RPN2: variants seen among roughly 807,000 people sequenced by gnomAD.
The protein encoded by RPN2 is ribophorin II.
Under a neutral mutation model 71.4 loss-of-function variants are expected in RPN2, and 29 were observed. The observed-to-expected ratio is 0.41, with a 90% CI of 0.30 to 0.55. The LOEUF (loss-of-function observed/expected upper bound fraction) is 0.55, where lower values mean the gene tolerates loss of function less well. RPN2 is among the 20% of genes least tolerant of loss of function. The pLI is 0.35. For synonymous variants in RPN2, 308 were observed against 305.0 expected, an observed-to-expected ratio of 1.01 and a Z score of -0.10; for missense variants, 726 against 774.1, an observed-to-expected ratio of 0.94 and a Z score of 0.74.
chr20:37,238,773 C>T (rs1457716609), intron 16 of RPN2: 2 of 597,300 alleles, frequency 3.3e-6, no homozygotes, highest in Non-Finnish European at 6.4e-6. Flanking sequence ...TCTCTGTTTC[C>T]AGGACAGCTG....
Position 37,207,353 on chromosome 20 carries a change from T to G in RPN2, c.771T>G (p.Ser257=). The change falls in exon 7 of 17, where the codon TCT becomes TCG. Residue 257 remains serine (S), a synonymous_variant. Transcript: ENST00000237530. ...TCTCCGAAGCCTTCAGCGTGGCCTC[T>G]GCAGCTGCTGTGCTCTCGCATAATC... is the stretch of plus-strand genomic sequence containing the variant. ...ESLSEAFSVA[S]AAAVLSHNRY... is the part of the protein sequence containing the mutation. 1.2e-6 allele frequency: 2 copies of G among 1,614,102 alleles called. No individual in the cohort carries two copies.
Position 37,199,279 on chromosome 20 carries a change from G to T in RPN2, c.479+54G>T, listed in dbSNP as rs2076398. 1,255,107 of 1,599,828 alleles carry T rather than the reference G, an allele frequency of 0.78. 495,648 individuals carry two copies. Among genetic ancestry groups the T allele is most frequent in the Middle Eastern group, 0.85 (4,036 of 4,740 alleles). On this transcript the variant is annotated intron_variant, in intron 4 of 16. Coordinates refer to ENST00000237530, the MANE Select transcript of RPN2 (RefSeq NM_002951.5). ...GCTTCATTTGTCTCGGGTCCTATCC[G>T]AAGAGGGCTCATTCATTGGTTCAGC...
At chr20:37,224,603 C>G (rs1466358548) in intron 10 of RPN2, among the ~76,000 whole-genome samples, 1 of 152,184 alleles carries the variant, frequency 6.6e-6, no homozygotes, top group Non-Finnish European at 1.5e-5. Flanking sequence ...ACATAATCTT[C>G]TAAGTAGACA....
At chr20:37,185,332 TTGCC>T (rs1600732641) in intron 2 of RPN2, among the ~76,000 whole-genome samples, 2 of 152,020 alleles carry the variant, frequency 1.3e-5, no homozygotes, top group East Asian at 3.9e-4. Context: ...AGATGGGGTT[TTGCC>T]ATGTTGCCCA....
intron 4 of RPN2, among the ~76,000 whole-genome samples, chr20:37,203,609 TGGGA>T (rs1440966082): frequency 2.0e-5 from 3 of 152,230 alleles, no homozygotes. Flanking sequence ...CCCAAAATGC[TGGGA>T]TTACGGGCGT....
intron 4 of RPN2, among the ~76,000 whole-genome samples, chr20:37,203,636 C>T (rs950493045): frequency 6.6e-6 from 1 of 152,198 alleles, no homozygotes; most frequent in Middle Eastern, 3.2e-3. Flanking sequence ...GCCACTGCGC[C>T]CAGCCCAATG....
intron 16 of RPN2, chr20:37,238,524 T>A: frequency 9.4e-7 from 1 of 1,060,926 alleles, no homozygotes; most frequent in Non-Finnish European, 1.4e-6. Context: ...ATGTCAGTTA[T>A]CTCTCTAGTT....
intron 9 of RPN2, among the ~76,000 whole-genome samples, chr20:37,219,405 C>T (rs1183179979): frequency 6.6e-6 from 1 of 152,060 alleles, no homozygotes. Flanking sequence ...CTATACACCT[C>T]TTATTTCCTT....
At chr20:37,225,873 A>G (rs527914595) in intron 11 of RPN2, 71 bp downstream of exon 11, 23 of 1,054,980 alleles carry the variant, frequency 2.2e-5, no homozygotes, top group Admixed American at 3.7e-5. Flanking sequence ...AATGTGGTCT[A>G]TAACATGGAC....
intron 4 of RPN2, among the ~76,000 whole-genome samples, chr20:37,202,949 A>G (rs966923316): frequency 9.9e-5 from 15 of 152,274 alleles, no homozygotes; most frequent in African/African-American, 3.6e-4. Context: ...TTTTGGAGAC[A>G]GGGTCTCACT....
intron 2 of RPN2, among the ~76,000 whole-genome samples, chr20:37,185,657 C>T (rs1247914404): frequency 6.6e-6 from 1 of 151,958 alleles, no homozygotes; most frequent in Non-Finnish European, 1.5e-5. Flanking sequence ...CACTGTGTTG[C>T]CCAGGCTGGA....
At chr20:37,222,922 C>CT (rs2067994202) in intron 9 of RPN2, among the ~76,000 whole-genome samples, 1 of 152,218 alleles carries the variant, frequency 6.6e-6, no homozygotes, top group Non-Finnish European at 1.5e-5. Context: ...AATTCAAACA[C>CT]TTTAAGAGTC....
chr20:37,187,076 G>A lies in RPN2; in HGVS notation c.207+2703G>A, dbSNP rs1408031343. Among the ~76,000 whole-genome samples the A allele has an allele frequency of 2.0e-5, 3 of 152,098 alleles. No homozygotes were observed. The East Asian group carries it at 5.8e-4, about 29-fold the overall frequency. On this transcript the variant is annotated intron_variant, in intron 2 of 16. Coordinates refer to ENST00000237530, the MANE Select transcript of RPN2 (RefSeq NM_002951.5). ...TGATGAAGTTGTAAATTAAGGTGTT[G>A]TCAGACTAATCTATCGCTTATAAAT...
chr20:37,189,181 C>T (rs1345610993), intron 2 of RPN2, among the ~76,000 whole-genome samples: 3 of 151,348 alleles, frequency 2.0e-5, no homozygotes, highest in Non-Finnish European at 2.9e-5. Flanking sequence ...GTGATCCACC[C>T]GCCTTGGCCT....
chr20:37,221,400 G>A (rs1325626130), intron 9 of RPN2, among the ~76,000 whole-genome samples: 1 of 152,100 alleles, frequency 6.6e-6, no homozygotes. Flanking sequence ...GTTTTGCCAT[G>A]TTGGTCATGC....
intron 4 of RPN2, 135 bp downstream of exon 4, chr20:37,199,360 C>T (rs2067329059): frequency 1.8e-6 from 2 of 1,096,810 alleles, no homozygotes; most frequent in Admixed American, 4.0e-5. Context: ...AGGTGCTCTG[C>T]AAGGCACCGC....
chr20:37,224,094 TAA>T (rs1267320777), intron 10 of RPN2, 125 bp downstream of exon 10: 2 of 785,578 alleles, frequency 2.5e-6, no homozygotes, highest in East Asian at 5.3e-5. Context: ...CATCCTAAAT[TAA>T]AGAGTCTGTA....
chr20:37,195,287 G>A (rs4812880), intron 2 of RPN2, among the ~76,000 whole-genome samples: 112,507 of 152,076 alleles, frequency 0.74, 42,112 homozygotes, highest in Middle Eastern at 0.85. Context: ...AAACTCCGCC[G>A]TCAACATCTT....
intron 7 of RPN2, 66 bp downstream of exon 7, chr20:37,207,515 C>A: frequency 1.3e-6 from 2 of 1,491,642 alleles, no homozygotes; most frequent in Non-Finnish European, 1.9e-6. Context: ...TTTCAGAAAT[C>A]TGGACTATGG....
Sources: allele counts gnomAD v4.1 joint callset (sites outside exome capture counted in the v4.1 genomes callset), GRCh38; gene constraint gnomAD v4.1.1; transcripts MANE v1.5; gene names NCBI Gene and HGNC (gene_info 2026-07-23, HGNC 2026-07-21).